Variants in COL24A1 observed in about 807,000 individuals in gnomAD.
The protein encoded by COL24A1 is collagen alpha-1(XXIV) chain.
A neutral mutation model predicts 253.9 loss-of-function variants in COL24A1; 224 were observed. That is an observed-to-expected ratio of 0.88 (90% CI 0.79 to 0.99). The LOEUF (loss-of-function observed/expected upper bound fraction) is 0.99, where lower values mean the gene tolerates loss of function less well. Among genes scored for constraint, COL24A1 ranks in the 50% least tolerant of loss-of-function variants. COL24A1 has a pLI of 0.00. For synonymous variants in COL24A1, 685 were observed against 673.7 expected (o/e 1.02, Z -0.26); for missense variants, 2,131 against 2,068.5 (o/e 1.03, Z -0.59).
At chr1:86,131,492 C>A (rs559422473) in intron 2 of COL24A1, among the ~76,000 whole-genome samples, 1 of 150,988 alleles carries the variant, frequency 6.6e-6, no homozygotes, top group Admixed American at 6.6e-5. Flanking sequence ...AGGTATGTCT[C>A]CTAATGCCAT....
At chr1:85,897,299 T>C (rs1429276730) in intron 28 of COL24A1, among the ~76,000 whole-genome samples, 1 of 152,078 alleles carries the variant, frequency 6.6e-6, no homozygotes. Flanking sequence ...TAATGGATGC[T>C]GGGCTTTATA....
chr1:85,883,950 G>A (rs948664790), intron 32 of COL24A1, among the ~76,000 whole-genome samples: 3 of 152,108 alleles, frequency 2.0e-5, no homozygotes, highest in Non-Finnish European at 2.9e-5. Flanking sequence ...CAAATTGTCT[G>A]TTAGATCAAT....
intron 53 of COL24A1, among the ~76,000 whole-genome samples, chr1:85,765,358 T>A (rs1309524006): frequency 6.6e-6 from 1 of 151,696 alleles, no homozygotes; most frequent in Non-Finnish European, 1.5e-5. Flanking sequence ...TCTGTTTTTT[T>A]TTATTATTTC....
intron 47 of COL24A1, among the ~76,000 whole-genome samples, chr1:85,800,677 C>T (rs987536172): frequency 6.6e-6 from 1 of 152,126 alleles, no homozygotes. Flanking sequence ...CTGATGCAAC[C>T]GTCATCCCTG....
intron 39 of COL24A1, among the ~76,000 whole-genome samples, chr1:85,843,899 C>CT (rs1676890859): frequency 6.6e-6 from 1 of 151,870 alleles, no homozygotes; most frequent in Non-Finnish European, 1.5e-5. Flanking sequence ...AAAAATGAAC[C>CT]TTAATGTACC....
chr1:86,145,600 T>C (rs1427618174), intron 2 of COL24A1, among the ~76,000 whole-genome samples: 2 of 152,082 alleles, frequency 1.3e-5, no homozygotes, highest in East Asian at 1.9e-4. Context: ...TGAAACTCTA[T>C]CATCATACTA....
intron 58 of COL24A1, among the ~76,000 whole-genome samples, chr1:85,736,887 G>A (rs61783080): frequency 0.15 from 23,305 of 152,020 alleles, 2,401 homozygotes; most frequent in Non-Finnish European, 0.21. Flanking sequence ...ACATGCATTC[G>A]TTCTAAACGT....
chr1:86,150,609 A>G (rs1652623997), intron 1 of COL24A1, among the ~76,000 whole-genome samples: 1 of 150,372 alleles, frequency 6.7e-6, no homozygotes, highest in African/African-American at 2.4e-5. Context: ...CTTGTCTCTG[A>G]AGTGGGTACA....
At chr1:86,154,619 T>C (rs1557850211) in intron 1 of COL24A1, 1 of 152,738 alleles carries the variant, frequency 6.5e-6, no homozygotes, top group African/African-American at 2.4e-5. Flanking sequence ...CAAGAATTTA[T>C]GCAGGGCCTT....
intron 14 of COL24A1, among the ~76,000 whole-genome samples, chr1:86,025,660 G>A (rs1461735380): frequency 6.6e-6 from 1 of 152,206 alleles, no homozygotes; most frequent in Non-Finnish European, 1.5e-5. Flanking sequence ...CGGGCAAGCA[G>A]ACAAGTTGTT....
At chr1:85,837,029 T>C (rs313706) in intron 43 of COL24A1, among the ~76,000 whole-genome samples, 124,960 of 152,090 alleles carry the variant, frequency 0.82, 51,715 homozygotes, top group South Asian at 0.87. Context: ...ATTGCAGGAA[T>C]CTGGTTTTCC....
chr1:85,826,546 C>T (rs1434320183), intron 43 of COL24A1, among the ~76,000 whole-genome samples: 1 of 145,004 alleles, frequency 6.9e-6, no homozygotes, highest in African/African-American at 2.6e-5. Context: ...ATTGATTCTT[C>T]CTACCCATGA....
chr1:85,898,067 C>T (rs1357354193), intron 28 of COL24A1, among the ~76,000 whole-genome samples: 2 of 152,022 alleles, frequency 1.3e-5, no homozygotes, highest in African/African-American at 4.8e-5. Flanking sequence ...TTTGGTTAGG[C>T]TATTGATTAC....
Position 86,059,194 on chromosome 1 carries a change from G to A in COL24A1, c.1753-20C>T, listed in dbSNP as rs755459421. 94 of 1,586,788 alleles carry A rather than the reference G, an allele frequency of 5.9e-5. No homozygotes were observed. The highest frequency in any genetic ancestry group is 7.9e-5 in the Non-Finnish European group (92 of 1,158,214). On this transcript the variant is annotated intron_variant, in intron 8 of 59. Coordinates refer to ENST00000370571, the MANE Select transcript of COL24A1 (RefSeq NM_152890.7). Reference sequence around the variant, plus strand: ...AATTCCCTGAAATAATAAATAAAATGAACAGTATAGCAAAGCCAAAGGAAA... The same window carrying A: ...AATTCCCTGAAATAATAAATAAAATAAACAGTATAGCAAAGCCAAAGGAAA...
Position 86,125,257 on chromosome 1 carries a change from T to C in COL24A1, c.1079A>G (p.Lys360Arg), listed in dbSNP as rs113996675. ...SVTTHRISEA[K>R]MNTKEKFSSL... is the part of the protein sequence containing the mutation. Reference sequence around the variant, plus strand: ...GCTAAATTTCTCTTTGGTATTCATTTTTGCCTCACTGATGCGATGAGTGGT... The same window carrying C: ...GCTAAATTTCTCTTTGGTATTCATTCTTGCCTCACTGATGCGATGAGTGGT... Residue 360 changes from lysine to arginine, a missense_variant, in exon 3 of 60, where the codon AAA becomes AGA. Coordinates refer to ENST00000370571, the MANE Select transcript of COL24A1 (RefSeq NM_152890.7). 2.2e-4 allele frequency: 362 copies of C among 1,613,648 alleles called. 3 individuals carry two copies. The African/African-American group carries it at 4.4e-3, about 20-fold the overall frequency.
intron 24 of COL24A1, among the ~76,000 whole-genome samples, chr1:85,929,038 C>A (rs1235212921): frequency 5.2e-5 from 1 of 19,244 alleles, no homozygotes; most frequent in South Asian, 3.3e-3. Context: ...TGAGCAAAAT[C>A]ACCAGCTAAC....
At position 85,895,908 on chromosome 1, in the gene COL24A1, T is replaced by C. The variant is rs1486740306; in HGVS notation, c.2878-6A>G. The C allele has an allele frequency of 1.2e-6, 2 of 1,608,198 alleles. No homozygotes were observed. Among genetic ancestry groups the C allele is most frequent in the Non-Finnish European group, 1.7e-6 (2 of 1,178,480 alleles). ...CCAGGGTTTCCAGTCTTACCCTACATGAGAAAGAAAATTCTTGAGTCAAGT... is the reference window on the plus strand; with the variant it reads ...CCAGGGTTTCCAGTCTTACCCTACACGAGAAAGAAAATTCTTGAGTCAAGT... On this transcript the variant is annotated splice_region_variant and splice_polypyrimidine_tract_variant and intron_variant, in intron 30 of 59. Transcript: ENST00000370571.
intron 19 of COL24A1, among the ~76,000 whole-genome samples, chr1:86,015,883 CT>C (rs34005326): frequency 1.8e-3 from 247 of 136,226 alleles, no homozygotes; most frequent in South Asian, 2.4e-3. Context: ...TCTACTTTTT[CT>C]TTTTTTTTTT....
chr1:85,965,090 A>G, intron 22 of COL24A1, 28 bp from the exon 23 acceptor site: 3 of 1,562,492 alleles, frequency 1.9e-6, no homozygotes, highest in Non-Finnish European at 2.6e-6. Context: ...AAAAGAAGAA[A>G]GTATATATGT....
Sources: allele counts gnomAD v4.1 joint callset (sites outside exome capture counted in the v4.1 genomes callset), GRCh38; gene constraint gnomAD v4.1.1; transcripts MANE v1.5; gene names NCBI Gene and HGNC (gene_info 2026-07-23, HGNC 2026-07-21).